Variants in MAP1B observed in about 807,000 individuals in gnomAD.
MAP1B encodes the protein microtubule associated protein 1B.
In MAP1B, 12 loss-of-function variants were observed where a neutral mutation model predicts 176.1. That is an observed-to-expected ratio of 0.07 (90% CI 0.04 to 0.11). MAP1B has a LOEUF of 0.11. Ranked by LOEUF, MAP1B falls within the 10% of genes least tolerant of loss-of-function variation. The pLI, the probability that MAP1B is intolerant of heterozygous loss-of-function variation, is 1.00. For synonymous variants in MAP1B, 1,044 were observed against 1,135.0 expected, an observed-to-expected ratio of 0.92 and a Z score of 1.61; for missense variants, 2,523 against 2,990.5, an observed-to-expected ratio of 0.84 and a Z score of 3.65.
At chr5:72,135,259 T>C (rs569120167) in intron 2 of MAP1B, among the ~76,000 whole-genome samples, 7 of 152,196 alleles carry the variant, frequency 4.6e-5, no homozygotes, top group Non-Finnish European at 7.3e-5. Context: ...ATGGCATTAA[T>C]TGGCAATAGT....
intron 1 of MAP1B, among the ~76,000 whole-genome samples, chr5:72,111,014 C>T (rs986852960): frequency 6.6e-6 from 1 of 152,168 alleles, no homozygotes; most frequent in African/African-American, 2.4e-5. Context: ...AGTGTTTCCT[C>T]GGACTAGGCT....
At chr5:72,111,572 A>G (rs1745341609) in intron 1 of MAP1B, among the ~76,000 whole-genome samples, 1 of 152,226 alleles carries the variant, frequency 6.6e-6, no homozygotes, top group Non-Finnish European at 1.5e-5. Flanking sequence ...AACCAATACC[A>G]TATGTGGTGA....
chr5:72,132,248 A>G (rs930774572), intron 2 of MAP1B, among the ~76,000 whole-genome samples: 5 of 152,208 alleles, frequency 3.3e-5, no homozygotes, highest in African/African-American at 1.2e-4. Flanking sequence ...ATCTATCTGA[A>G]ATTAAAATAC....
intron 2 of MAP1B, among the ~76,000 whole-genome samples, chr5:72,127,748 G>A (rs916101775): frequency 6.6e-6 from 1 of 152,088 alleles, no homozygotes; most frequent in Admixed American, 6.5e-5. Flanking sequence ...ATACGTTTTG[G>A]TTAATCAAAT....
intron 2 of MAP1B, among the ~76,000 whole-genome samples, chr5:72,152,799 A>G (rs1746165931): frequency 1.3e-5 from 2 of 152,196 alleles, no homozygotes; most frequent in Non-Finnish European, 2.9e-5. Flanking sequence ...ATTTTTGTTC[A>G]GAAGTACTGT....
chr5:72,159,296 G>C (rs1212472990), intron 2 of MAP1B, among the ~76,000 whole-genome samples: 1 of 152,206 alleles, frequency 6.6e-6, no homozygotes, highest in Non-Finnish European at 1.5e-5. Context: ...CTTTGAAGAA[G>C]AGTGTTTAGA....
rs869170981 is a variant in MAP1B at position 72,161,975 on chromosome 5, AAG to A, written c.287-21766_287-21765del. ...CCGTCTCAAAAAAAAAAAAAAAAAA[AAG>A]AAAGAAAGAAAGAAAGAAAAGAAAA... On this transcript the variant is annotated intron_variant, in intron 2 of 6. Coordinates refer to ENST00000296755, the MANE Select transcript of MAP1B (RefSeq NM_005909.5). 5.0e-3 allele frequency among the ~76,000 whole-genome samples: 730 copies of A among 145,356 alleles called. 11 individuals carry two copies. Among genetic ancestry groups the A allele is most frequent in the African/African-American group, 0.018 (668 of 37,848 alleles).
intron 2 of MAP1B, among the ~76,000 whole-genome samples, chr5:72,166,096 G>T (rs1475794297): frequency 6.6e-6 from 1 of 152,188 alleles, no homozygotes; most frequent in African/African-American, 2.4e-5. Context: ...CTGGCTGCAA[G>T]TCCCAGGCCC....
At chr5:72,122,635 A>G (rs1579983228) in intron 2 of MAP1B, among the ~76,000 whole-genome samples, 1 of 145,098 alleles carries the variant, frequency 6.9e-6, no homozygotes, top group African/African-American at 2.6e-5. Context: ...ATACCTATTC[A>G]TCTCACTTTT....
intron 2 of MAP1B, among the ~76,000 whole-genome samples, chr5:72,176,827 G>C (rs1352749995): frequency 6.6e-6 from 1 of 152,174 alleles, no homozygotes; most frequent in African/African-American, 2.4e-5. Flanking sequence ...ACCCAGCCTA[G>C]AAAAAGTTCT....
chr5:72,119,941 A>G (rs1404735787), intron 2 of MAP1B, among the ~76,000 whole-genome samples: 3 of 152,190 alleles, frequency 2.0e-5, no homozygotes. Context: ...GTCTGACCAC[A>G]AAAGCAAAGC....
intron 2 of MAP1B, among the ~76,000 whole-genome samples, chr5:72,142,877 G>A (rs1241827665): frequency 5.3e-5 from 8 of 152,118 alleles, no homozygotes; most frequent in Non-Finnish European, 1.2e-4. Flanking sequence ...TAATAGATGA[G>A]GGGTGGCATT....
intron 2 of MAP1B, among the ~76,000 whole-genome samples, chr5:72,174,889 T>C (rs1252985781): frequency 1.4e-5 from 2 of 146,520 alleles, no homozygotes; most frequent in African/African-American, 5.2e-5. Flanking sequence ...CCTTCCTTCC[T>C]TCCTTCCCTC....
chr5:72,116,549 T>C (rs532016079), intron 2 of MAP1B: 1 of 332,686 alleles, frequency 3.0e-6, no homozygotes, highest in East Asian at 9.6e-5. Flanking sequence ...GCGCTGGAGA[T>C]GTATTCATAC....
chr5:72,200,006 G>A lies in MAP1B; in HGVS notation c.6651G>A (p.Val2217=). The change falls in exon 5 of 7, where the codon GTG becomes GTA. Residue 2217 remains valine (V), a synonymous_variant. Coordinates refer to ENST00000296755, the MANE Select transcript of MAP1B (RefSeq NM_005909.5). ...DRSPSPRHPD[V]SMVDPEALAI... is the part of the protein sequence containing the mutation. ...GCCCTTCGCCACGCCACCCTGATGT[G>A]TCCATGGTGGACCCAGAGGCCTTGG... is the stretch of plus-strand genomic sequence containing the variant. 6.2e-7 allele frequency: 1 copy of A among 1,614,220 alleles called. No individual in the cohort carries two copies. Among genetic ancestry groups the A allele is most frequent in the Non-Finnish European group, 8.5e-7 (1 of 1,180,050 alleles).
At position 72,199,244 on chromosome 5, in the gene MAP1B, C is replaced by T. The variant is rs769967633; in HGVS notation, c.5889C>T (p.Thr1963=). 1.9e-6 allele frequency: 3 copies of T among 1,613,934 alleles called. No individual in the cohort carries two copies. Among genetic ancestry groups the T allele is most frequent in the African/African-American group, 2.7e-5 (2 of 74,892 alleles). ...GGYSYDISEK[T]TSPPEVSGYS... ...ACTCATATGACATAAGTGAAAAGAC[C>T]ACCAGCCCCCCCGAAGTGAGTGGTT... is the stretch of plus-strand genomic sequence containing the variant. The change falls in exon 5 of 7, where the codon ACC becomes ACT. Residue 1963 remains threonine (T), a synonymous_variant. Transcript: ENST00000296755. The surrounding 1 kb of genome is among the most constrained non-coding windows in gnomAD (Gnocchi z 4.2).
chr5:72,182,555 G>A (rs958678507), intron 2 of MAP1B, among the ~76,000 whole-genome samples: 4 of 152,122 alleles, frequency 2.6e-5, no homozygotes, highest in East Asian at 1.9e-4. Flanking sequence ...GCATCTGTTC[G>A]GGTTCCTGCT....
At chr5:72,128,960 A>G (rs1475295410) in intron 2 of MAP1B, among the ~76,000 whole-genome samples, 1 of 152,150 alleles carries the variant, frequency 6.6e-6, no homozygotes, top group Non-Finnish European at 1.5e-5. Flanking sequence ...CTGAAAACGT[A>G]ATTTTTTAAA....
chr5:72,120,128 A>T (rs1012502181), intron 2 of MAP1B, among the ~76,000 whole-genome samples: 2 of 152,228 alleles, frequency 1.3e-5, no homozygotes, highest in Non-Finnish European at 2.9e-5. Flanking sequence ...CAAGCAAACA[A>T]ATAAAAACTA....
Sources: gnomAD v4.1 joint callset for allele counts (sites outside exome capture counted in the v4.1 genomes callset) on GRCh38, gnomAD v4.1.1 for gene constraint, Gnocchi (gnomAD v3.1) non-coding constraint, MANE v1.5 for transcripts, NCBI Gene and HGNC (gene_info 2026-07-23, HGNC 2026-07-21) for gene names.